Variants in NRG1 observed in about 807,000 individuals in gnomAD.
NRG1 encodes the protein neuregulin 1.
A neutral mutation model predicts 63.8 loss-of-function variants in NRG1; 18 were observed. The ratio of observed to expected loss-of-function variants is 0.28; its 90% CI spans 0.19 to 0.42. The LOEUF is 0.42. Among genes scored for constraint, NRG1 ranks in the 10% least tolerant of loss-of-function variants. NRG1 has a pLI of 1.00. For synonymous variants in NRG1, 302 were observed against 301.3 expected (o/e 1.00, Z -0.02); for missense variants, 762 against 814.7 (o/e 0.94, Z 0.79).
chr8:31,698,287 C>T (rs1409885413), intron 1 of NRG1, among the ~76,000 whole-genome samples: 10 of 152,164 alleles, frequency 6.6e-5, no homozygotes, highest in African/African-American at 1.2e-4. Context: ...CAGACAAGCT[C>T]GAGCTGACAC....
intron 1 of NRG1, among the ~76,000 whole-genome samples, chr8:31,835,468 C>T (rs966565037): frequency 1.3e-5 from 2 of 151,972 alleles, no homozygotes; most frequent in Non-Finnish European, 1.5e-5. Context: ...TAAAAGGAAG[C>T]AGGAAATGGC....
intron 1 of NRG1, among the ~76,000 whole-genome samples, chr8:32,257,940 G>A (rs1311415121): frequency 6.6e-6 from 1 of 152,168 alleles, no homozygotes; most frequent in Non-Finnish European, 1.5e-5. Context: ...CATGTGTTAA[G>A]TATAACCATA....
chr8:32,662,180 A>G (rs1435915838), intron 5 of NRG1, among the ~76,000 whole-genome samples: 2 of 152,192 alleles, frequency 1.3e-5, no homozygotes, highest in African/African-American at 4.8e-5. Flanking sequence ...ACCCTTAAGA[A>G]ATACATAAAC....
chr8:31,752,912 G>A (rs1037605358), intron 1 of NRG1, among the ~76,000 whole-genome samples: 2 of 151,974 alleles, frequency 1.3e-5, no homozygotes, highest in Non-Finnish European at 2.9e-5. Flanking sequence ...TTATTAGAGT[G>A]GGCCATAGTG....
chr8:32,571,656 G>A (rs13273150), intron 1 of NRG1, among the ~76,000 whole-genome samples: 8,397 of 151,854 alleles, frequency 0.055, 293 homozygotes, highest in Non-Finnish European at 0.084. Flanking sequence ...AGCTTTATTT[G>A]CAAACACCTC....
intron 1 of NRG1, among the ~76,000 whole-genome samples, chr8:32,382,670 T>C (rs1025556835): frequency 6.6e-5 from 10 of 152,194 alleles, no homozygotes; most frequent in Non-Finnish European, 1.3e-4. Context: ...TAGACATAAG[T>C]TGCAAGTGGT....
intron 1 of NRG1, among the ~76,000 whole-genome samples, chr8:32,579,218 GGATAC>G (rs1840215619): frequency 5.2e-5 from 1 of 19,076 alleles, no homozygotes; most frequent in Non-Finnish European, 1.3e-4. Context: ...TTTTTTTTTT[GGATAC>G]TATTGCCACT....
intron 1 of NRG1, among the ~76,000 whole-genome samples, chr8:32,015,854 G>GTT (rs1371465038): frequency 6.7e-6 from 1 of 148,832 alleles, no homozygotes; most frequent in Non-Finnish European, 1.5e-5. Context: ...TCTCTTGTTT[G>GTT]TTTTTTTTTT....
chr8:32,131,287 T>C (rs1362284113), intron 1 of NRG1, among the ~76,000 whole-genome samples: 3 of 151,982 alleles, frequency 2.0e-5, no homozygotes, highest in Non-Finnish European at 4.4e-5. Context: ...AGGAATAATA[T>C]AGAAATCCTA....
intron 1 of NRG1, among the ~76,000 whole-genome samples, chr8:32,564,290 T>A (rs1283142484): frequency 1.3e-5 from 2 of 152,248 alleles, no homozygotes; most frequent in East Asian, 3.8e-4. Flanking sequence ...GCTTCATGAA[T>A]GGCCTAAAAA....
chr8:32,705,312 T>C (rs1208393878), intron 5 of NRG1, among the ~76,000 whole-genome samples: 2 of 152,036 alleles, frequency 1.3e-5, no homozygotes, highest in African/African-American at 2.4e-5. Context: ...TTTGTATTTT[T>C]AGTAGAGATG....
chr8:31,928,197 C>G (rs2683770), intron 1 of NRG1, among the ~76,000 whole-genome samples: 2 of 151,622 alleles, frequency 1.3e-5, no homozygotes, highest in Non-Finnish European at 2.9e-5. Flanking sequence ...GGGGGTCTTT[C>G]TTGGTATTTT....
intron 1 of NRG1, among the ~76,000 whole-genome samples, chr8:31,867,619 A>T (rs1368864926): frequency 6.6e-6 from 1 of 152,188 alleles, no homozygotes; most frequent in Non-Finnish European, 1.5e-5. Context: ...GAAGTAATAA[A>T]GATACCTGAG....
chr8:32,222,020 T>C (rs1201645611), intron 1 of NRG1, among the ~76,000 whole-genome samples: 1 of 134,208 alleles, frequency 7.5e-6, no homozygotes, highest in Non-Finnish European at 1.6e-5. Flanking sequence ...AAAGTGTCTA[T>C]ATGGAAACAT....
At chr8:32,720,525 C>T (rs1820351772) in intron 5 of NRG1, among the ~76,000 whole-genome samples, 1 of 152,060 alleles carries the variant, frequency 6.6e-6, no homozygotes, top group Admixed American at 6.6e-5. Context: ...AAATTTTATA[C>T]TCATATAAAA....
chr8:31,922,655 A>G (rs1834012809), intron 1 of NRG1, among the ~76,000 whole-genome samples: 1 of 152,212 alleles, frequency 6.6e-6, no homozygotes, highest in South Asian at 2.1e-4. Flanking sequence ...CTGTGCTTTT[A>G]GGCAGGTAGT....
At chr8:31,938,042 C>T (rs1306925795) in intron 1 of NRG1, among the ~76,000 whole-genome samples, 1 of 152,130 alleles carries the variant, frequency 6.6e-6, no homozygotes, top group Non-Finnish European at 1.5e-5. Context: ...AAGTTTGCAA[C>T]CTGTCTATAG....
At chr8:32,602,641 T>C (rs1408504342) in intron 2 of NRG1, among the ~76,000 whole-genome samples, 1 of 152,176 alleles carries the variant, frequency 6.6e-6, no homozygotes, top group Non-Finnish European at 1.5e-5. Flanking sequence ...ATTTACTCCT[T>C]CTGTGGCATT....
chr8:32,310,563 A>G (rs1173407642), intron 1 of NRG1, among the ~76,000 whole-genome samples: 1 of 152,340 alleles, frequency 6.6e-6, no homozygotes, highest in African/African-American at 2.4e-5. Context: ...CTTACCATAC[A>G]GCATGCTGAA....
Sources: gnomAD v4.1 joint callset for allele counts (sites outside exome capture counted in the v4.1 genomes callset) on GRCh38, gnomAD v4.1.1 for gene constraint, MANE v1.5 for transcripts, NCBI Gene and HGNC (gene_info 2026-07-23, HGNC 2026-07-21) for gene names.